The following CLK3 variants were observed in gnomAD, a reference collection of about 807,000 sequenced individuals.
CLK3 encodes the protein dual specificity protein kinase CLK3.
CLK3 carries 24 observed loss-of-function variants against 65.2 expected under a neutral mutation model. That is an observed-to-expected ratio of 0.37 (90% CI 0.27 to 0.52). The LOEUF (loss-of-function observed/expected upper bound fraction) is 0.52, where lower values mean the gene tolerates loss of function less well. Among genes scored for constraint, CLK3 ranks in the 20% least tolerant of loss-of-function variants. The pLI is 0.92. For synonymous variants in CLK3, 252 were observed against 240.8 expected (o/e 1.05, Z -0.43); for missense variants, 506 against 660.0 (o/e 0.77, Z 2.56).
chr15:74,615,808 G>A, upstream of CLK3: 1 of 1,245,272 alleles, frequency 8.0e-7, no homozygotes, highest in Non-Finnish European at 1.0e-6. Context: ...GCGAGGGGGC[G>A]GGGCTGCCAC....
chr15:74,628,131 C>T, intron 10 of CLK3, 79 bp downstream of exon 10: 3 of 939,576 alleles, frequency 3.2e-6, no homozygotes, highest in Non-Finnish European at 5.3e-6. Flanking sequence ...TGGGAAGCCC[C>T]ACATGGATGA....
chr15:74,617,145 A>G (rs371206489), intron 1 of CLK3, among the ~76,000 whole-genome samples: 2 of 152,112 alleles, frequency 1.3e-5, no homozygotes, highest in South Asian at 4.2e-4. Context: ...CATGCTTGTC[A>G]TCTCTTTTGC....
intron 2 of CLK3, among the ~76,000 whole-genome samples, chr15:74,619,647 G>A (rs534422449): frequency 1.3e-5 from 2 of 152,140 alleles, no homozygotes; most frequent in Non-Finnish European, 2.9e-5. Context: ...TGAGGATTAG[G>A]AACATAACCT....
At chr15:74,609,870 G>A (rs2061965870) in intron 1 of CLK3, among the ~76,000 whole-genome samples, 1 of 152,202 alleles carries the variant, frequency 6.6e-6, no homozygotes, top group Admixed American at 6.5e-5. Flanking sequence ...GCAGGGTCCT[G>A]GCCCCAACTC....
chr15:74,630,116 T>G lies in CLK3; in HGVS notation c.*233T>G, dbSNP rs919035332. 2.0e-6 allele frequency: 1 copy of G among 489,342 alleles called. No individual in the cohort carries two copies. The highest frequency in any genetic ancestry group is 3.7e-6 in the Non-Finnish European group (1 of 273,492). The allele number at this position is 489,342 out of a possible 1,614,324, so 30.3% of individuals were successfully genotyped here. On this transcript the variant is annotated 3_prime_UTR_variant, in exon 13 of 13. Transcript: ENST00000395066. ...ATAATAAAGTGTTTCTTACTGTTTG[T>G]AACCCCTGGTACCAGTGTGTCCATC...
rs1037735948 is a variant in CLK3, at chr15:74,624,834, G to T, written c.534-68G>T. The stretch of plus-strand genomic sequence containing the variant: ...GGTGTTTGTTGGGAGTTGCTGGGTT[G>T]GGGTGGAGGGTTGGGGAAGGACTGG... On this transcript the variant is annotated intron_variant, in intron 5 of 12. Coordinates refer to ENST00000395066, the MANE Select transcript of CLK3 (RefSeq NM_001130028.2). The surrounding 1 kb of genome is among the most constrained non-coding windows in gnomAD (Gnocchi z 4.2). 16 of 1,141,276 alleles carry T rather than the reference G, an allele frequency of 1.4e-5. No individual in the cohort carries two copies. Among genetic ancestry groups the T allele is most frequent in the Non-Finnish European group, 2.1e-5 (16 of 768,082 alleles). 70.7% of individuals were successfully genotyped at this position (1,141,276 alleles called of 1,614,324 possible). A position where few individuals can be genotyped will look rare whatever the true frequency, so the allele number is the denominator to read the frequency against.
In CLK3 at chr15:74,622,014, C is replaced by A; in HGVS notation, c.370-106C>A. 1 of 1,002,214 alleles carries A rather than the reference C, an allele frequency of 1.0e-6. No homozygotes were observed. Among genetic ancestry groups the A allele is most frequent in the East Asian group, 2.5e-5 (1 of 40,778 alleles). The allele number at this position is 1,002,214 out of a possible 1,614,324, so 62.1% of individuals were successfully genotyped here. A position where few individuals can be genotyped will look rare whatever the true frequency, so the allele number is the denominator to read the frequency against. On this transcript the variant is annotated intron_variant, in intron 3 of 12. Transcript: ENST00000395066. The surrounding 1 kb of genome is among the most constrained non-coding windows in gnomAD (Gnocchi z 4.6). ...AAAATCCAACCAACCAACCCACCGG[C>A]TCCTCACCGTCTCCACCTCTGCCTT...
intron 1 of CLK3, among the ~76,000 whole-genome samples, chr15:74,610,395 G>A (rs1232318961): frequency 6.6e-6 from 1 of 152,222 alleles, no homozygotes; most frequent in African/African-American, 2.4e-5. Context: ...AGGCCAGGGA[G>A]CACTCCACCT....
In CLK3 at chr15:74,627,489, T is replaced by C; in HGVS notation, c.912+43T>C. On this transcript the variant is annotated intron_variant, in intron 8 of 12. Coordinates refer to ENST00000395066, the MANE Select transcript of CLK3 (RefSeq NM_001130028.2). The surrounding 1 kb of genome is among the most constrained non-coding windows in gnomAD (Gnocchi z 4.3). Reference sequence around the variant, plus strand: ...GGTGAGGCCCTGTTTCAGGGGTGGGTTACCCGCTGGTGCAGACTCCTGACC... The same window carrying C: ...GGTGAGGCCCTGTTTCAGGGGTGGGCTACCCGCTGGTGCAGACTCCTGACC... The C allele has an allele frequency of 6.2e-7, 1 of 1,614,158 alleles. No homozygotes were observed. The highest frequency in any genetic ancestry group is 1.1e-5 in the South Asian group (1 of 91,078).
Position 74,629,935 on chromosome 15 carries a change from C to T in CLK3, c.*52C>T. On this transcript the variant is annotated 3_prime_UTR_variant, in exon 13 of 13. Coordinates refer to ENST00000395066, the MANE Select transcript of CLK3 (RefSeq NM_001130028.2). The stretch of plus-strand genomic sequence containing the variant: ...TGGAGGGCGGGACTGGGCCGCCCAG[C>T]CCCTTGACTCCAGCCTCGACCGCCA... 1 of 1,528,058 alleles carries T rather than the reference C, an allele frequency of 6.5e-7. No individual in the cohort carries two copies. The highest frequency in any genetic ancestry group is 8.9e-7 in the Non-Finnish European group (1 of 1,127,136). The allele number at this position is 1,528,058 out of a possible 1,614,324, so 94.7% of individuals were successfully genotyped here.
chr15:74,615,924 G>C (rs749044358), intron 1 of CLK3, 26 bp downstream of exon 1: 35 of 1,239,760 alleles, frequency 2.8e-5, no homozygotes, highest in Non-Finnish European at 3.5e-5. Context: ...GGTCCGCGGC[G>C]GCGACAGCGG....
intron 5 of CLK3, among the ~76,000 whole-genome samples, chr15:74,623,458 T>A (rs947583063): frequency 6.6e-6 from 1 of 152,214 alleles, no homozygotes; most frequent in African/African-American, 2.4e-5. Flanking sequence ...CTACATTAAA[T>A]GGGGTGTTCA....
Position 74,627,744 on chromosome 15 carries a change from C to G in CLK3, c.1042+76C>G. ...GGGTATGAGCAGAGGCAGTGGCATGCCTGTCATTCTCTGCCACCCAGGGCA... is the reference window on the plus strand; with the variant it reads ...GGGTATGAGCAGAGGCAGTGGCATGGCTGTCATTCTCTGCCACCCAGGGCA... On this transcript the variant is annotated intron_variant, in intron 9 of 12. Coordinates refer to ENST00000395066, the MANE Select transcript of CLK3 (RefSeq NM_001130028.2). This position sits in a 1 kb window ranked among gnomAD's most constrained non-coding sequence, Gnocchi z 4.3. 6.3e-7 allele frequency: 1 copy of G among 1,586,616 alleles called. No homozygotes were observed. Among genetic ancestry groups the G allele is most frequent in the Admixed American group, 1.7e-5 (1 of 59,582 alleles).
At chr15:74,619,824 G>T in intron 2 of CLK3, 185 bp from the exon 3 acceptor site, 3 of 879,998 alleles carry the variant, frequency 3.4e-6, no homozygotes, top group Non-Finnish European at 3.4e-6. Flanking sequence ...GCTGTCGTTG[G>T]ACAGGGCTCT....
chr15:74,617,634 A>G (rs1221218981), intron 1 of CLK3, among the ~76,000 whole-genome samples: 1 of 152,244 alleles, frequency 6.6e-6, no homozygotes, highest in East Asian at 1.9e-4. Flanking sequence ...AGAATCTTCT[A>G]GGTCCCAGGA....
chr15:74,614,395 T>C (rs926140521), upstream of CLK3, among the ~76,000 whole-genome samples: 9 of 152,132 alleles, frequency 5.9e-5, no homozygotes, highest in African/African-American at 2.2e-4. Context: ...CTCACTGCAA[T>C]CTCAACCTCC....
In CLK3 at chr15:74,630,036, G is replaced by C; in HGVS notation, c.*153G>C. ...GAGCCTGCAGGGGAGCAGACTTGGT[G>C]CCCAGCTGCCAGAAAGCACAGATTT... On this transcript the variant is annotated 3_prime_UTR_variant, in exon 13 of 13. Transcript: ENST00000395066. The C allele has an allele frequency of 1.5e-6, 1 of 672,736 alleles. No individual in the cohort carries two copies. The highest frequency in any genetic ancestry group is 2.5e-6 in the Non-Finnish European group (1 of 398,696). 41.7% of individuals were successfully genotyped at this position (672,736 alleles called of 1,614,324 possible).
chr15:74,612,017 T>C (rs2061995600), upstream of CLK3, among the ~76,000 whole-genome samples: 1 of 152,230 alleles, frequency 6.6e-6, no homozygotes, highest in Admixed American at 6.5e-5. Context: ...GTGGTTTCCA[T>C]GAGCTGTGGG....
In CLK3 at chr15:74,622,446, A is replaced by G. The variant is rs1198356585; in HGVS notation, c.467-48A>G. 3 of 1,441,232 alleles carry G rather than the reference A, an allele frequency of 2.1e-6. No individual in the cohort carries two copies. The highest frequency in any genetic ancestry group is 2.3e-5 in the East Asian group (1 of 43,776). 89.3% of individuals were successfully genotyped at this position (1,441,232 alleles called of 1,614,324 possible). A position where few individuals can be genotyped will look rare whatever the true frequency, so the allele number is the denominator to read the frequency against. On this transcript the variant is annotated intron_variant, in intron 4 of 12. Transcript: ENST00000395066. This position sits in a 1 kb window ranked among gnomAD's most constrained non-coding sequence, Gnocchi z 4.6. ...ATGCTGTGAACTTGCAGGAGCTGCC[A>G]ACCCCCTGCCCTCCAGATTCTCATG... is the stretch of plus-strand genomic sequence containing the variant.
Sources: allele counts gnomAD v4.1 joint callset (sites outside exome capture counted in the v4.1 genomes callset), GRCh38; gene constraint gnomAD v4.1.1; non-coding constraint Gnocchi (gnomAD v3.1); transcripts MANE v1.5; gene names NCBI Gene and HGNC (gene_info 2026-07-23, HGNC 2026-07-21).